ARHGEF4: variants seen among roughly 807,000 people sequenced by gnomAD.
ARHGEF4 encodes Rho guanine nucleotide exchange factor 4, also known as APC-stimulated guanine nucleotide exchange factor 1.
In ARHGEF4, 119 loss-of-function variants were observed where a neutral mutation model predicts 162.0. The observed-to-expected ratio is 0.73, with a 90% CI of 0.63 to 0.86. The LOEUF (loss-of-function observed/expected upper bound fraction) is 0.86. ARHGEF4 is among the 40% of genes least tolerant of loss of function. ARHGEF4 has a pLI of 0.00. For missense variants in ARHGEF4, 2,488 were observed against 2,456.0 expected (o/e 1.01, Z -0.28); for synonymous variants, 1,014 against 979.9 (o/e 1.03, Z -0.65).
chr2:130,839,399 T>C (rs1680447197), intron 1 of ARHGEF4, among the ~76,000 whole-genome samples: 1 of 152,132 alleles, frequency 6.6e-6, no homozygotes, highest in East Asian at 1.9e-4. Flanking sequence ...GGTCTCCCAG[T>C]CAGACTCTGT....
At chr2:130,905,311 C>CT (rs201515992) in intron 1 of ARHGEF4, among the ~76,000 whole-genome samples, 79 of 151,162 alleles carry the variant, frequency 5.2e-4, no homozygotes, top group African/African-American at 1.8e-3. Flanking sequence ...GTCATTTATC[C>CT]TTTTTTTTTC....
chr2:131,039,470 A>AG, intron 6 of ARHGEF4: 2 of 1,023,008 alleles, frequency 2.0e-6, no homozygotes, highest in Non-Finnish European at 2.3e-6. Flanking sequence ...ATTCCATCTA[A>AG]GGGGGTCTCC....
chr2:130,904,782 T>TAA (rs34372352), intron 1 of ARHGEF4, among the ~76,000 whole-genome samples: 81,298 of 149,872 alleles, frequency 0.54, 24,856 homozygotes, highest in East Asian at 0.75. Flanking sequence ...ATTTTCACTA[T>TAA]AAAAAAAAAA....
chr2:130,881,202 A>G (rs548780896), intron 1 of ARHGEF4, among the ~76,000 whole-genome samples: 1 of 152,104 alleles, frequency 6.6e-6, no homozygotes, highest in South Asian at 2.1e-4. Context: ...TAATTTTTGT[A>G]TCTTTAGTAA....
intron 4 of ARHGEF4, chr2:130,963,555 C>G (rs146426076): frequency 0.017 from 2,565 of 150,056 alleles, 32 homozygotes; most frequent in Non-Finnish European, 0.027. Context: ...TGTCCTAACA[C>G]ACGCGTGCGG....
chr2:130,930,858 T>C, intron 2 of ARHGEF4, 94 bp from the exon 3 acceptor site: 2 of 1,234,932 alleles, frequency 1.6e-6, no homozygotes, highest in Non-Finnish European at 2.2e-6. Context: ...CATAGTGTTA[T>C]ACCCAAAAGG....
At chr2:130,902,543 G>A (rs574040629) in intron 1 of ARHGEF4, among the ~76,000 whole-genome samples, 2 of 150,406 alleles carry the variant, frequency 1.3e-5, no homozygotes, top group South Asian at 2.1e-4. Context: ...GCAGTGAGCC[G>A]AGATAGCGCC....
At chr2:130,953,933 G>A (rs774029790) in intron 4 of ARHGEF4, among the ~76,000 whole-genome samples, 10 of 152,196 alleles carry the variant, frequency 6.6e-5, no homozygotes, top group Non-Finnish European at 1.5e-4. Context: ...GGAGAAATAG[G>A]AATGCTCTTA....
intron 1 of ARHGEF4, among the ~76,000 whole-genome samples, chr2:130,891,885 C>T (rs894842750): frequency 1.3e-5 from 2 of 152,060 alleles, no homozygotes; most frequent in Non-Finnish European, 2.9e-5. Flanking sequence ...AAGCAGCCAT[C>T]GATAATACAC....
chr2:130,927,821 T>C (rs1406210000), intron 2 of ARHGEF4, among the ~76,000 whole-genome samples: 1 of 152,240 alleles, frequency 6.6e-6, no homozygotes, highest in African/African-American at 2.4e-5. Flanking sequence ...CTTTGTTTTA[T>C]ACATAATGTC....
At chr2:130,944,454 C>A (rs1254756758) in intron 3 of ARHGEF4, among the ~76,000 whole-genome samples, 1 of 152,058 alleles carries the variant, frequency 6.6e-6, no homozygotes, top group African/African-American at 2.4e-5. Context: ...GGGATTTTTT[C>A]CCCCCAACCT....
rs149259636 is a variant in ARHGEF4, at chr2:130,841,281, G to A, written c.39+4289G>A. 3.3e-3 allele frequency among the ~76,000 whole-genome samples: 506 copies of A among 151,908 alleles called. 4 individuals are homozygous for A. Among genetic ancestry groups the A allele is most frequent in the African/African-American group, 0.012 (490 of 41,396 alleles). On this transcript the variant is annotated intron_variant, in intron 1 of 13. Transcript: ENST00000409359. ...GGATTTCGCTATGCTGGCCAGGCTG[G>A]TCTCGAACTCCTGACCTCGTGATTC...
chr2:131,045,600 A>G, intron 13 of ARHGEF4, 154 bp downstream of exon 13: 2 of 1,583,036 alleles, frequency 1.3e-6, no homozygotes, highest in South Asian at 2.3e-5. Flanking sequence ...GGTTGGTAAT[A>G]AGGGGCCACT....
intron 1 of ARHGEF4, among the ~76,000 whole-genome samples, chr2:130,872,389 G>A (rs1016887126): frequency 6.6e-6 from 1 of 152,078 alleles, no homozygotes; most frequent in Non-Finnish European, 1.5e-5. Flanking sequence ...AGGCTGTCTT[G>A]GGAAACCCAG....
chr2:130,914,242 T>C lies in ARHGEF4; in HGVS notation c.296T>C (p.Ile99Thr), dbSNP rs1375055806. ...FHPLRGTPVD[I>T]EAPWEYPDVS... ...CCTCTAAGAGGTACTCCCGTAGATA[T>C]AGAAGCACCTTGGGAATACCCTGAT... The change falls in exon 2 of 14, where the codon ATA becomes ACA. Residue 99 changes from isoleucine (I) to threonine (T), a missense_variant. Around this residue, in one of 6 missense-constraint regions of ARHGEF4, gnomAD observed 171 missense variants for 169.4 expected, o/e 1.01. Transcript: ENST00000409359. 3 of 1,535,256 alleles carry C rather than the reference T, an allele frequency of 2.0e-6. No homozygotes were observed. The highest frequency in any genetic ancestry group is 2.0e-5 in the Admixed American group (1 of 50,942).
chr2:130,954,809 T>C (rs1185823409), intron 4 of ARHGEF4, among the ~76,000 whole-genome samples: 1 of 152,224 alleles, frequency 6.6e-6, no homozygotes, highest in Non-Finnish European at 1.5e-5. Flanking sequence ...TTCCTGGGTG[T>C]GTAGGTTATT....
At chr2:130,837,049 G>A in intron 1 of ARHGEF4, 57 bp downstream of exon 1, 2 of 1,223,468 alleles carry the variant, frequency 1.6e-6, no homozygotes, top group South Asian at 4.1e-5. Flanking sequence ...CGCGGGTGGG[G>A]AGGAGCACAG....
intron 1 of ARHGEF4, among the ~76,000 whole-genome samples, chr2:130,913,343 T>G (rs1480630714): frequency 1.3e-5 from 2 of 152,240 alleles, no homozygotes; most frequent in Admixed American, 1.3e-4. Flanking sequence ...TTTAAATGGA[T>G]GCTTGAAAAT....
chr2:130,950,692 C>CG (rs1558760106), intron 4 of ARHGEF4, among the ~76,000 whole-genome samples: 2 of 143,300 alleles, frequency 1.4e-5, no homozygotes, highest in African/African-American at 5.7e-5. Flanking sequence ...TATTACCCCC[C>CG]ACCACCACCC....
Sources: allele counts gnomAD v4.1 joint callset (sites outside exome capture counted in the v4.1 genomes callset), GRCh38; gene constraint gnomAD v4.1.1; regional missense constraint gnomAD v4.1.1; transcripts MANE v1.5; gene names NCBI Gene and HGNC (gene_info 2026-07-23, HGNC 2026-07-21).